ITFG1: variants seen among roughly 807,000 people sequenced by gnomAD.
The protein encoded by ITFG1 is integrin alpha FG-GAP repeat containing 1.
Under a neutral mutation model 81.8 loss-of-function variants are expected in ITFG1, and 34 were observed. The observed-to-expected ratio is 0.42, with a 90% confidence interval of 0.32 to 0.55. ITFG1 has a LOEUF of 0.55. ITFG1 is among the 20% of genes least tolerant of loss of function. The probability of loss-of-function intolerance (pLI) is 0.17; values close to 1 mark genes in which losing one functional copy is unlikely to be tolerated. For synonymous variants in ITFG1, 285 were observed against 270.6 expected (o/e 1.05, Z -0.52); for missense variants, 672 against 755.4 (o/e 0.89, Z 1.29).
intron 10 of ITFG1, among the ~76,000 whole-genome samples, chr16:47,271,720 G>C (rs1337874538): frequency 6.6e-6 from 1 of 152,158 alleles, no homozygotes; most frequent in African/African-American, 2.4e-5. Flanking sequence ...TTAGCTGGGC[G>C]TGGTGGTGGG....
intron 8 of ITFG1, among the ~76,000 whole-genome samples, chr16:47,314,238 T>C (rs1967315968): frequency 1.3e-5 from 2 of 152,194 alleles, no homozygotes; most frequent in Admixed American, 1.3e-4. Flanking sequence ...CATTTCAGCC[T>C]GTAATGTTAA....
chr16:47,461,157 G>T, upstream of ITFG1: 1 of 1,123,332 alleles, frequency 8.9e-7, no homozygotes, highest in Non-Finnish European at 1.2e-6. Context: ...CGTAAGAGCC[G>T]CTGCCGGCTC....
rs543257051 is a variant in ITFG1 at position 47,453,054 on chromosome 16, G to A, written c.428-264C>T. Among the ~76,000 whole-genome samples the A allele has an allele frequency of 3.3e-5, 5 of 152,302 alleles. No individual in the cohort carries two copies. In the South Asian group the frequency reaches 1.0e-3, roughly 32 times the overall value. ...GTATGCATCTAAATATTTGCTAGCT[G>A]AGTCTTTGTCTTTACACAATTTAGT... On this transcript the variant is annotated intron_variant, in intron 3 of 17. Coordinates refer to ENST00000320640, the MANE Select transcript of ITFG1 (RefSeq NM_030790.5).
chr16:47,280,450 C>A lies in ITFG1; in HGVS notation c.1071-19755G>T, dbSNP rs987534200. 2.6e-5 allele frequency among the ~76,000 whole-genome samples: 4 copies of A among 151,832 alleles called. No individual in the cohort carries two copies. In the South Asian group the frequency reaches 8.3e-4, roughly 32 times the overall value. On this transcript the variant is annotated intron_variant, in intron 10 of 17. Transcript: ENST00000320640. The stretch of plus-strand genomic sequence containing the variant: ...TAACTGTACATCCCTGGAATAAAGC[C>A]CACTTGGTTGTGGTGTATTATTTTT...
chr16:47,233,457 T>C (rs534460960), intron 13 of ITFG1, among the ~76,000 whole-genome samples: 15 of 152,340 alleles, frequency 9.8e-5, no homozygotes, highest in African/African-American at 3.6e-4. Context: ...CTTACACTTT[T>C]GTTGAGTTTT....
chr16:47,431,162 G>A (rs960347614), intron 5 of ITFG1, among the ~76,000 whole-genome samples: 1 of 152,204 alleles, frequency 6.6e-6, no homozygotes, highest in Non-Finnish European at 1.5e-5. Context: ...ATTTGTGGTT[G>A]TCAGGTGCTG....
intron 10 of ITFG1, among the ~76,000 whole-genome samples, chr16:47,301,931 G>C (rs909697618): frequency 1.3e-5 from 2 of 151,972 alleles, no homozygotes; most frequent in Non-Finnish European, 2.9e-5. Context: ...CTCAAGACTT[G>C]GCCCACTAAC....
chr16:47,200,308 A>C (rs926429304), intron 14 of ITFG1, among the ~76,000 whole-genome samples: 1 of 152,260 alleles, frequency 6.6e-6, no homozygotes, highest in Non-Finnish European at 1.5e-5. Flanking sequence ...ACAAAAAGTT[A>C]AAATGGCATT....
At chr16:47,448,604 A>ATTTTTTTT (rs34421476) in intron 5 of ITFG1, 9 of 128,200 alleles carry the variant, frequency 7.0e-5, no homozygotes, top group Non-Finnish European at 1.3e-4. Context: ...GAGTCAGAAA[A>ATTTTTTTT]TTTTTTTTTT....
At chr16:47,429,008 A>G in intron 5 of ITFG1, 110 bp from the exon 6 acceptor site, 1 of 655,854 alleles carries the variant, frequency 1.5e-6, no homozygotes, top group Non-Finnish European at 2.6e-6. Context: ...TTTCATTGAT[A>G]TATTCAACAT....
intron 6 of ITFG1, among the ~76,000 whole-genome samples, chr16:47,403,344 G>A (rs887167834): frequency 1.3e-5 from 2 of 151,006 alleles, no homozygotes; most frequent in Admixed American, 6.6e-5. Flanking sequence ...TATTATAATT[G>A]GCCCATATGG....
chr16:47,451,513 C>A lies in ITFG1; in HGVS notation c.486-43G>T, dbSNP rs1162825239. On this transcript the variant is annotated intron_variant, in intron 4 of 17. Transcript: ENST00000320640. ...CAATAAGCAGCTATTTCTTTAAATT[C>A]TTACTTCTAATTTAGCTTTAAAAGA... 6.6e-6 allele frequency: 7 copies of A among 1,063,726 alleles called. No homozygotes were observed. In the South Asian group the frequency reaches 8.1e-5, roughly 12 times the overall value. 65.9% of individuals were successfully genotyped at this position (1,063,726 alleles called of 1,614,324 possible). A position where few individuals can be genotyped will look rare whatever the true frequency, so the allele number is the denominator to read the frequency against.
chr16:47,288,937 T>C (rs1402850626), intron 10 of ITFG1, among the ~76,000 whole-genome samples: 1 of 152,138 alleles, frequency 6.6e-6, no homozygotes, highest in Non-Finnish European at 1.5e-5. Context: ...TTCCAAATCT[T>C]ACAGGAAAAG....
At position 47,311,381 on chromosome 16, in the gene ITFG1, T is replaced by C. The variant is rs200530613; in HGVS notation, c.929A>G (p.Lys310Arg). The change falls in exon 10 of 18, where the codon AAG becomes AGG. Residue 310 changes from lysine to arginine, a missense_variant. Lys to Arg is a conservative substitution (Grantham distance 26). Coordinates refer to ENST00000320640, the MANE Select transcript of ITFG1 (RefSeq NM_030790.5). ...TGGCACAAAGCCCCAGAGTGTGCCC[T>C]TATTGCTGAAATCTTGTAGGACTGG... ...WVPVLQDFSN[K>R]GTLWGFVPFV... 37 of 1,613,156 alleles carry C rather than the reference T, an allele frequency of 2.3e-5. No individual in the cohort carries two copies. The Admixed American group carries it at 3.2e-4, about 14-fold the overall frequency.
chr16:47,269,226 T>G (rs1966310111), intron 10 of ITFG1, among the ~76,000 whole-genome samples: 1 of 152,216 alleles, frequency 6.6e-6, no homozygotes, highest in African/African-American at 2.4e-5. Flanking sequence ...ACTGTCTTTA[T>G]TTGCAAGTTA....
At chr16:47,437,446 T>G (rs1271289102) in intron 5 of ITFG1, among the ~76,000 whole-genome samples, 1 of 144,430 alleles carries the variant, frequency 6.9e-6, no homozygotes, top group Non-Finnish European at 1.5e-5. Flanking sequence ...TCGGCCTGGG[T>G]GACAGAGTGA....
At chr16:47,188,043 C>G (rs1045167619) in intron 14 of ITFG1, among the ~76,000 whole-genome samples, 1 of 151,938 alleles carries the variant, frequency 6.6e-6, no homozygotes, top group Non-Finnish European at 1.5e-5. Context: ...CAGAGAAATG[C>G]AAATCAAAAC....
In ITFG1 at chr16:47,251,803, G is replaced by T. The variant is rs139404020; in HGVS notation, c.1330+6829C>A. On this transcript the variant is annotated intron_variant, in intron 12 of 17. Transcript: ENST00000320640. ...ACAACAATAAACTAATAATAAAATA[G>T]AACAATTGTAACAATAAACTGTAAT... Among the ~76,000 whole-genome samples, 615 of 152,290 alleles carry T rather than the reference G, an allele frequency of 4.0e-3. 3 individuals are homozygous for T. Among genetic ancestry groups the T allele is most frequent in the African/African-American group, 0.014 (602 of 41,578 alleles).
At position 47,223,034 on chromosome 16, in the gene ITFG1, G is replaced by T. The variant is rs554533289; in HGVS notation, c.1375-4088C>A. On this transcript the variant is annotated intron_variant, in intron 13 of 17. Coordinates refer to ENST00000320640, the MANE Select transcript of ITFG1 (RefSeq NM_030790.5). The stretch of plus-strand genomic sequence containing the variant: ...TGCTGGGAAAACTGGCTAGCCATAT[G>T]TAGAAAGCTGAAACTGGATCCCTTC... Among the ~76,000 whole-genome samples the T allele has an allele frequency of 7.6e-4, 116 of 151,740 alleles. 1 individual carries two copies. Among genetic ancestry groups the T allele is most frequent in the African/African-American group, 2.4e-3 (98 of 41,316 alleles).
Sources: gnomAD v4.1 joint callset for allele counts (sites outside exome capture counted in the v4.1 genomes callset) on GRCh38, gnomAD v4.1.1 for gene constraint, MANE v1.5 for transcripts, NCBI Gene and HGNC (gene_info 2026-07-23, HGNC 2026-07-21) for gene names.